Variants in GALNT17 observed in about 807,000 individuals in gnomAD.
The protein encoded by GALNT17 is UDP-GalNAc:polypeptide N-acetylgalactosaminyltransferase-like 3.
A neutral mutation model predicts 63.7 loss-of-function variants in GALNT17; 29 were observed. The ratio of observed to expected loss-of-function variants is 0.46; its 90% confidence interval spans 0.34 to 0.62. The LOEUF is 0.62. Among genes scored for constraint, GALNT17 ranks in the 20% least tolerant of loss-of-function variants. The probability of loss-of-function intolerance (pLI) is 0.01; values close to 1 mark genes in which losing one functional copy is unlikely to be tolerated. For missense variants in GALNT17, 603 were observed against 799.6 expected, an observed-to-expected ratio of 0.75 and a Z score of 2.97; for synonymous variants, 305 against 318.3, an observed-to-expected ratio of 0.96 and a Z score of 0.45.
chr7:71,414,801 G>A (rs1197820524), intron 3 of GALNT17, among the ~76,000 whole-genome samples: 1 of 152,118 alleles, frequency 6.6e-6, no homozygotes, highest in African/African-American at 2.4e-5. Context: ...AGCCAACCCT[G>A]GTCAGCAGGC....
intron 1 of GALNT17, among the ~76,000 whole-genome samples, chr7:71,293,776 CT>C (rs1165538079): frequency 6.6e-6 from 1 of 152,134 alleles, no homozygotes; most frequent in Non-Finnish European, 1.5e-5. Flanking sequence ...TGTCCCCAAG[CT>C]TGTAAGGTTT....
intron 1 of GALNT17, among the ~76,000 whole-genome samples, chr7:71,283,261 A>G (rs1558002): frequency 0.83 from 126,758 of 151,814 alleles, 53,542 homozygotes; most frequent in East Asian, 0.93. Flanking sequence ...GGTTCTTTTC[A>G]AACTCCTAGG....
Position 71,336,856 on chromosome 7 carries a change from G to C in GALNT17, c.422+1123G>C, listed in dbSNP as rs181590854. 2.8e-4 allele frequency among the ~76,000 whole-genome samples: 43 copies of C among 152,302 alleles called. No individual in the cohort carries two copies. The East Asian group carries it at 6.4e-3, about 23-fold the overall frequency. ...TTATATTCCTTTGGGTATATACCCA[G>C]TAATGGGATTGCTGGGTCAAATGGG... On this transcript the variant is annotated intron_variant, in intron 2 of 10. Coordinates refer to ENST00000333538, the MANE Select transcript of GALNT17 (RefSeq NM_022479.3).
At chr7:71,463,004 CAAGTAGATGGGAG>C (rs1283531124) in intron 5 of GALNT17, among the ~76,000 whole-genome samples, 1 of 152,082 alleles carries the variant, frequency 6.6e-6, no homozygotes, top group African/African-American at 2.4e-5. Flanking sequence ...GGCCACTGAA[CAAGTAGATGGGAG>C]GAAACCTCAA....
At chr7:71,328,648 ATTTT>A (rs5884832) in intron 1 of GALNT17, among the ~76,000 whole-genome samples, 3 of 140,510 alleles carry the variant, frequency 2.1e-5, no homozygotes, top group Non-Finnish European at 1.5e-5. Flanking sequence ...AATACCAGTG[ATTTT>A]TTTTTTTTTT....
intron 1 of GALNT17, among the ~76,000 whole-genome samples, chr7:71,315,144 C>T (rs765950408): frequency 1.4e-4 from 22 of 152,080 alleles, no homozygotes; most frequent in Admixed American, 1.3e-3. Context: ...TTTTGTCGGC[C>T]TTTATTCACT....
chr7:71,540,774 G>A (rs1049278358), intron 5 of GALNT17, among the ~76,000 whole-genome samples: 2 of 152,178 alleles, frequency 1.3e-5, no homozygotes, highest in African/African-American at 2.4e-5. Flanking sequence ...GCCAGAGCAG[G>A]AGATTCAAAC....
At chr7:71,370,599 C>T (rs1026055563) in intron 2 of GALNT17, among the ~76,000 whole-genome samples, 2 of 152,034 alleles carry the variant, frequency 1.3e-5, no homozygotes, top group Non-Finnish European at 2.9e-5. Flanking sequence ...ATTCTCAAGC[C>T]TGAGCCTCCT....
At chr7:71,564,239 G>C (rs548535195) in intron 5 of GALNT17, among the ~76,000 whole-genome samples, 33 of 149,316 alleles carry the variant, frequency 2.2e-4, no homozygotes, top group African/African-American at 7.1e-4. Flanking sequence ...GATTTTGATC[G>C]TGACGGGCAA....
intron 2 of GALNT17, among the ~76,000 whole-genome samples, chr7:71,341,351 A>G (rs1256475795): frequency 1.3e-5 from 2 of 152,234 alleles, no homozygotes; most frequent in Admixed American, 1.3e-4. Flanking sequence ...AGAAAATCAG[A>G]GAGAACAGAG....
At chr7:71,276,319 C>A (rs1790680773) in intron 1 of GALNT17, among the ~76,000 whole-genome samples, 1 of 152,174 alleles carries the variant, frequency 6.6e-6, no homozygotes, top group Non-Finnish European at 1.5e-5. Flanking sequence ...ACTGGATATT[C>A]ACTCAAAGGA....
intron 2 of GALNT17, among the ~76,000 whole-genome samples, chr7:71,357,257 T>C (rs1792303884): frequency 6.6e-6 from 1 of 152,182 alleles, no homozygotes; most frequent in African/African-American, 2.4e-5. Context: ...CAAGTGAGCA[T>C]GACCGCCTGA....
chr7:71,213,327 G>C (rs945989844), intron 1 of GALNT17, among the ~76,000 whole-genome samples: 1 of 152,216 alleles, frequency 6.6e-6, no homozygotes, highest in African/African-American at 2.4e-5. Flanking sequence ...CCCCAGCCAT[G>C]TGGAACTGTA....
intron 2 of GALNT17, among the ~76,000 whole-genome samples, chr7:71,354,068 C>G (rs919731921): frequency 2.6e-5 from 4 of 152,152 alleles, no homozygotes; most frequent in African/African-American, 9.7e-5. Context: ...TATGAGAACT[C>G]ACTCACAGTA....
chr7:71,406,843 G>A (rs1793337429), intron 3 of GALNT17, among the ~76,000 whole-genome samples: 3 of 150,988 alleles, frequency 2.0e-5, no homozygotes, highest in Non-Finnish European at 4.4e-5. Flanking sequence ...TCCCACTTCA[G>A]CTTCCCAAGT....
intron 5 of GALNT17, among the ~76,000 whole-genome samples, chr7:71,462,407 C>A (rs2116583803): frequency 6.6e-6 from 1 of 152,234 alleles, no homozygotes; most frequent in East Asian, 1.9e-4. Flanking sequence ...GGATTTATAG[C>A]TAAGTAGCAG....
intron 4 of GALNT17, among the ~76,000 whole-genome samples, chr7:71,419,494 A>G (rs1320323470): frequency 1.3e-5 from 2 of 152,238 alleles, no homozygotes; most frequent in East Asian, 3.8e-4. Flanking sequence ...AGGAAAAATA[A>G]TTCGTGTTCA....
At chr7:71,675,944 C>T (rs537045466) in intron 8 of GALNT17, among the ~76,000 whole-genome samples, 1 of 152,074 alleles carries the variant, frequency 6.6e-6, no homozygotes, top group African/African-American at 2.4e-5. Flanking sequence ...GTCGAGATCG[C>T]GCCATTGCAT....
chr7:71,427,868 T>C (rs1292338171), intron 5 of GALNT17, among the ~76,000 whole-genome samples: 1 of 152,098 alleles, frequency 6.6e-6, no homozygotes, highest in Non-Finnish European at 1.5e-5. Flanking sequence ...CTATTGTGAA[T>C]TGCGCGTGTG....
Sources: allele counts gnomAD v4.1 joint callset (sites outside exome capture counted in the v4.1 genomes callset), GRCh38; gene constraint gnomAD v4.1.1; transcripts MANE v1.5; gene names NCBI Gene and HGNC (gene_info 2026-07-23, HGNC 2026-07-21).